The following PRKRA variants were observed in gnomAD, a reference collection of about 807,000 sequenced individuals.
PRKRA encodes interferon-inducible double-stranded RNA-dependent protein kinase activator A.
PRKRA carries 22 observed loss-of-function variants against 32.4 expected under a neutral mutation model. That is an observed-to-expected ratio of 0.68 (90% CI 0.49 to 0.97). PRKRA has a LOEUF of 0.97. Ranked by LOEUF, PRKRA falls within the 50% of genes least tolerant of loss-of-function variation. PRKRA has a pLI of 0.00. For missense variants in PRKRA, 319 were observed against 375.6 expected (o/e 0.85, Z 1.25); for synonymous variants, 139 against 129.8 (o/e 1.07, Z -0.48).
chr2:178,443,493 T>C (rs976750280), intron 4 of PRKRA, 109 bp from the exon 5 acceptor site: 4 of 785,198 alleles, frequency 5.1e-6, no homozygotes, highest in South Asian at 1.4e-5. Context: ...AAAAGAATAG[T>C]GATATTCTGC....
chr2:178,450,823 G>T, intron 1 of PRKRA, 143 bp downstream of exon 1: 1 of 1,359,102 alleles, frequency 7.4e-7, no homozygotes. Context: ...CGCCGAGAGG[G>T]CGGGGCCGAG....
chr2:178,444,501 C>CAAG lies in PRKRA; in HGVS notation c.318-2_318-1insCTT. ...CATTAAGGGGTCAGGAACTGCAAAG[C>CAAG]TAAATATTTTTTAAAAGTGTTATAA... On this transcript the variant is annotated splice_acceptor_variant, in intron 3 of 7. Transcript: ENST00000325748. LOFTEE classifies it high-confidence loss of function. The CAAG allele has an allele frequency of 2.7e-5, 42 of 1,578,612 alleles. No homozygotes were observed. The highest frequency in any genetic ancestry group is 3.3e-5 in the Non-Finnish European group (38 of 1,147,846).
Position 178,432,040 on chromosome 2 carries a change from G to T in PRKRA, c.*57C>A. 6.3e-7 allele frequency: 1 copy of T among 1,580,544 alleles called. No individual in the cohort carries two copies. The highest frequency in any genetic ancestry group is 8.7e-7 in the Non-Finnish European group (1 of 1,151,960). On this transcript the variant is annotated 3_prime_UTR_variant, in exon 8 of 8. Coordinates refer to ENST00000325748, the MANE Select transcript of PRKRA (RefSeq NM_003690.5). ...CTACGGTAAAAGTTTTACTTGGGAA[G>T]GGGCCAGAGGGGAACTTTTTATGTG...
intron 2 of PRKRA, among the ~76,000 whole-genome samples, chr2:178,449,250 C>A (rs1280053018): frequency 6.6e-6 from 1 of 152,156 alleles, no homozygotes; most frequent in Non-Finnish European, 1.5e-5. Flanking sequence ...GTAAGTAATG[C>A]AGTGTTGACT....
chr2:178,432,397 T>C (rs759170411), intron 7 of PRKRA, 143 bp from the exon 8 acceptor site: 8 of 1,127,902 alleles, frequency 7.1e-6, no homozygotes, highest in Non-Finnish European at 9.0e-6. Flanking sequence ...TTGTTTTGCT[T>C]GTACAAACAA....
At chr2:178,448,865 G>C (rs924782286) in intron 2 of PRKRA, among the ~76,000 whole-genome samples, 41 of 152,224 alleles carry the variant, frequency 2.7e-4, no homozygotes, top group African/African-American at 9.6e-4. Flanking sequence ...TACTGAACTA[G>C]GTGATTGTGG....
intron 4 of PRKRA, 94 bp downstream of exon 4, chr2:178,444,328 C>A (rs1385677340): frequency 3.6e-6 from 3 of 842,786 alleles, no homozygotes; most frequent in East Asian, 8.9e-5. Flanking sequence ...ATATCACTAT[C>A]TTGTCTTTAA....
chr2:178,431,774 G>A lies in PRKRA; in HGVS notation c.*323C>T. ...CAAAGAAGAGCTTAAGCACCAGTAA[G>A]AAAGACTGTCGCTAGCATTTTTATT... On this transcript the variant is annotated 3_prime_UTR_variant, in exon 8 of 8. Transcript: ENST00000325748. The A allele has an allele frequency of 2.6e-6, 1 of 377,878 alleles. No homozygotes were observed. The highest frequency in any genetic ancestry group is 5.0e-6 in the Non-Finnish European group (1 of 201,594). The allele number at this position is 377,878 out of a possible 1,614,324, so 23.4% of individuals were successfully genotyped here.
chr2:178,437,701 C>T (rs538194805), intron 6 of PRKRA, among the ~76,000 whole-genome samples: 32 of 152,312 alleles, frequency 2.1e-4, no homozygotes, highest in African/African-American at 7.7e-4. Context: ...GGCTTGTTTT[C>T]TCATACCCTC....
chr2:178,438,291 A>G (rs1285429713), intron 6 of PRKRA, among the ~76,000 whole-genome samples: 1 of 152,148 alleles, frequency 6.6e-6, no homozygotes, highest in East Asian at 1.9e-4. Context: ...ACTTTGGTGT[A>G]AGGAATAAGG....
chr2:178,447,718 T>G, intron 2 of PRKRA, 132 bp from the exon 3 acceptor site: 1 of 800,398 alleles, frequency 1.2e-6, no homozygotes, highest in Non-Finnish European at 1.9e-6. Context: ...AATATGTACG[T>G]TATATACTGT....
intron 6 of PRKRA, among the ~76,000 whole-genome samples, chr2:178,436,782 A>C (rs931123894): frequency 5.3e-5 from 8 of 152,160 alleles, no homozygotes; most frequent in Non-Finnish European, 8.8e-5. Flanking sequence ...AGAAAAAAAA[A>C]CTAAAAAAAA....
intron 5 of PRKRA, 99 bp from the exon 6 acceptor site, chr2:178,441,803 C>T (rs1436382138): frequency 2.1e-5 from 21 of 1,003,328 alleles, no homozygotes; most frequent in East Asian, 1.0e-4. Context: ...GAGAACCTCA[C>T]GGTTTTTATT....
chr2:178,443,671 CCCTCTTTGG>C, intron 4 of PRKRA: 1 of 345,990 alleles, frequency 2.9e-6, no homozygotes, highest in Non-Finnish European at 5.6e-6. Flanking sequence ...GCTACTACCG[CCCTCTTTGG>C]CAACACCAGA....
rs774698199 is a variant in PRKRA at position 178,436,285 on chromosome 2, C to A, written c.644G>T (p.Trp215Leu). The A allele has an allele frequency of 3.1e-6, 5 of 1,613,928 alleles. No homozygotes were observed. The South Asian group carries it at 5.5e-5, about 18-fold the overall frequency. The change falls in exon 7 of 8, where the codon TGG (tryptophan) becomes TTG (leucine). Residue 215 changes from tryptophan to leucine, a missense_variant. Trp to Leu is a moderately conservative substitution (Grantham distance 61). Coordinates refer to ENST00000325748, the MANE Select transcript of PRKRA (RefSeq NM_003690.5). ...ACCAGGAGAATTCCTCAAGGAATGC[C>A]AAGTACATCCTAAAGAATGTCCTAC... ...NVVGHSLGCT[W>L]HSLRNSPGEK...
chr2:178,447,699 G>A, intron 2 of PRKRA, 113 bp from the exon 3 acceptor site: 1 of 982,648 alleles, frequency 1.0e-6, no homozygotes, highest in Non-Finnish European at 1.4e-6. Flanking sequence ...ACACATACTA[G>A]GTAATAAAAA....
intron 7 of PRKRA, 151 bp from the exon 8 acceptor site, chr2:178,432,405 CA>C (rs1248977247): frequency 4.3e-6 from 4 of 926,998 alleles, no homozygotes; most frequent in South Asian, 1.5e-5. Flanking sequence ...CTTGTACAAA[CA>C]AAAAACCACA....
intron 6 of PRKRA, among the ~76,000 whole-genome samples, chr2:178,440,636 T>G (rs1008272992): frequency 1.8e-4 from 28 of 152,196 alleles, no homozygotes; most frequent in African/African-American, 6.8e-4. Context: ...TACCTCAGTT[T>G]TCTAAATAAC....
intron 6 of PRKRA, chr2:178,439,763 G>A (rs1187830838): frequency 6.6e-6 from 1 of 151,908 alleles, no homozygotes; most frequent in Non-Finnish European, 1.5e-5. Flanking sequence ...TGATTGCTGA[G>A]TTTTATCAAA....
Sources: allele counts gnomAD v4.1 joint callset (sites outside exome capture counted in the v4.1 genomes callset), GRCh38; gene constraint gnomAD v4.1.1; transcripts MANE v1.5; gene names NCBI Gene and HGNC (gene_info 2026-07-23, HGNC 2026-07-21).